Variants in ZNF385D observed in about 807,000 individuals in gnomAD.
ZNF385D encodes zinc finger protein 385D.
ZNF385D carries 15 observed loss-of-function variants against 35.8 expected under a neutral mutation model. The ratio of observed to expected loss-of-function variants is 0.42; its 90% CI spans 0.28 to 0.64. The LOEUF (loss-of-function observed/expected upper bound fraction) is 0.64, where lower values mean the gene tolerates loss of function less well. Among genes scored for constraint, ZNF385D ranks in the 30% least tolerant of loss-of-function variants. The pLI, the probability that ZNF385D is intolerant of heterozygous loss-of-function variation, is 0.23. For missense variants in ZNF385D, 474 were observed against 494.6 expected (o/e 0.96, Z 0.39); for synonymous variants, 212 against 186.8 (o/e 1.13, Z -1.10).
At chr3:22,209,656 A>G (rs963965014) in intron 2 of ZNF385D, among the ~76,000 whole-genome samples, 11 of 151,692 alleles carry the variant, frequency 7.3e-5, no homozygotes, top group Non-Finnish European at 1.0e-4. Flanking sequence ...ATTCTTTTGC[A>G]TTTATTTTTG....
intron 3 of ZNF385D, among the ~76,000 whole-genome samples, chr3:21,970,990 G>T (rs916668581): frequency 6.6e-6 from 1 of 151,850 alleles, no homozygotes; most frequent in Non-Finnish European, 1.5e-5. Flanking sequence ...AAACAAAGGA[G>T]AAAGAAATAG....
At position 22,061,116 on chromosome 3, in the gene ZNF385D, TAATTA is replaced by T. The variant is rs199499447; in HGVS notation, c.325+107696_325+107700del. The stretch of plus-strand genomic sequence containing the variant: ...GAGAATGTTAATTTAATCACCTGAT[TAATTA>T]AATTAAATTAAATTAAATAGTTGCA... On this transcript the variant is annotated intron_variant, in intron 3 of 5. Coordinates refer to the ZNF385D transcript ENST00000494108. Among the ~76,000 whole-genome samples, 400 of 152,220 alleles carry T rather than the reference TAATTA, an allele frequency of 2.6e-3. 2 individuals carry two copies. The highest frequency in any genetic ancestry group is 0.01 in the East Asian group (52 of 5,180).
At chr3:22,120,372 C>A (rs760972574) in intron 3 of ZNF385D, among the ~76,000 whole-genome samples, 1 of 152,110 alleles carries the variant, frequency 6.6e-6, no homozygotes, top group African/African-American at 2.4e-5. Flanking sequence ...TGTGCTGCAT[C>A]CCTTCCTCTT....
chr3:21,972,749 A>AACTAATACC (rs1703342123), intron 3 of ZNF385D, among the ~76,000 whole-genome samples: 1 of 151,942 alleles, frequency 6.6e-6, no homozygotes, highest in African/African-American at 2.4e-5. Flanking sequence ...GGGACATTAC[A>AACTAATACC]ACTAATACCA....
intron 2 of ZNF385D, among the ~76,000 whole-genome samples, chr3:22,170,458 T>C (rs1399259848): frequency 2.0e-5 from 3 of 152,214 alleles, no homozygotes; most frequent in African/African-American, 7.2e-5. Flanking sequence ...TTTATGGGTA[T>C]TGAAGTCACT....
chr3:22,197,952 G>A (rs929450515), intron 2 of ZNF385D, among the ~76,000 whole-genome samples: 1 of 152,042 alleles, frequency 6.6e-6, no homozygotes, highest in East Asian at 1.9e-4. Context: ...GGGAAGACTG[G>A]CTTCATACAA....
intron 4 of ZNF385D, among the ~76,000 whole-genome samples, chr3:21,481,323 TC>T (rs756521724): frequency 2.6e-5 from 4 of 152,150 alleles, no homozygotes; most frequent in Non-Finnish European, 4.4e-5. Context: ...CATTGAACAA[TC>T]TAGAGTTCTG....
At chr3:21,861,505 TG>T (rs1434033658) in intron 3 of ZNF385D, among the ~76,000 whole-genome samples, 1 of 152,066 alleles carries the variant, frequency 6.6e-6, no homozygotes, top group African/African-American at 2.4e-5. Flanking sequence ...TAATGGAAAA[TG>T]TCTACGGGGA....
rs150268955 is a variant in ZNF385D at position 21,451,175 on chromosome 3, C to T, written c.440-13972G>A. Among the ~76,000 whole-genome samples the T allele has an allele frequency of 6.4e-4, 98 of 151,946 alleles. 1 individual carries two copies. In the East Asian group the frequency reaches 0.015, roughly 23 times the overall value. The stretch of plus-strand genomic sequence containing the variant: ...GATCAATATGACGAACCAATCAATA[C>T]GATTTTGATGAAATTCTTCTCTATC... On this transcript the variant is annotated intron_variant, in intron 4 of 7. Transcript: ENST00000281523.
chr3:21,804,691 T>C (rs2072557363), intron 3 of ZNF385D, among the ~76,000 whole-genome samples: 1 of 152,192 alleles, frequency 6.6e-6, no homozygotes, highest in East Asian at 1.9e-4. Flanking sequence ...TCTGTATTAT[T>C]TACCTAATTT....
chr3:22,120,507 T>A (rs1703036652), intron 3 of ZNF385D, among the ~76,000 whole-genome samples: 1 of 152,092 alleles, frequency 6.6e-6, no homozygotes, highest in Non-Finnish European at 1.5e-5. Flanking sequence ...CTTCAACATA[T>A]CTACTTGGAA....
At chr3:22,285,901 A>G (rs1701998861) in intron 2 of ZNF385D, among the ~76,000 whole-genome samples, 2 of 152,160 alleles carry the variant, frequency 1.3e-5, no homozygotes, top group Non-Finnish European at 2.9e-5. Flanking sequence ...ATCTTATGCC[A>G]AACCGTATTC....
At chr3:21,833,403 A>T (rs1308911703) in intron 3 of ZNF385D, among the ~76,000 whole-genome samples, 2 of 152,190 alleles carry the variant, frequency 1.3e-5, no homozygotes, top group African/African-American at 4.8e-5. Context: ...ATGCAATCAC[A>T]TGTATCTTGT....
chr3:21,452,261 G>A (rs995038626), intron 4 of ZNF385D, among the ~76,000 whole-genome samples: 17 of 151,984 alleles, frequency 1.1e-4, no homozygotes, highest in African/African-American at 4.1e-4. Flanking sequence ...TTTCAAAGTA[G>A]AGGTTAGATC....
At chr3:22,077,492 T>A (rs914993367) in intron 3 of ZNF385D, among the ~76,000 whole-genome samples, 2 of 152,042 alleles carry the variant, frequency 1.3e-5, no homozygotes, top group African/African-American at 4.8e-5. Context: ...AGGCAAGATT[T>A]CTTATCAATA....
intron 3 of ZNF385D, among the ~76,000 whole-genome samples, chr3:21,931,540 G>A (rs192853621): frequency 6.6e-6 from 1 of 152,134 alleles, no homozygotes; most frequent in Non-Finnish European, 1.5e-5. Flanking sequence ...CTGGTGAATG[G>A]GTAAGTACAA....
At chr3:22,043,110 C>T (rs1698768886) in intron 3 of ZNF385D, among the ~76,000 whole-genome samples, 1 of 152,150 alleles carries the variant, frequency 6.6e-6, no homozygotes. Context: ...AATAAAGCTG[C>T]AGTCATTTGG....
intron 3 of ZNF385D, among the ~76,000 whole-genome samples, chr3:21,997,490 A>C (rs2125407316): frequency 6.6e-6 from 1 of 152,174 alleles, no homozygotes; most frequent in South Asian, 2.1e-4. Flanking sequence ...CTAGAACTTA[A>C]AGTATAATAA....
chr3:21,783,189 C>T (rs1460787629), intron 3 of ZNF385D, among the ~76,000 whole-genome samples: 1 of 152,112 alleles, frequency 6.6e-6, no homozygotes, highest in African/African-American at 2.4e-5. Context: ...ATTGTAAATA[C>T]ATGGCATCTG....
Sources: gnomAD v4.1 joint callset for allele counts (sites outside exome capture counted in the v4.1 genomes callset) on GRCh38, gnomAD v4.1.1 for gene constraint, MANE v1.5 for transcripts, NCBI Gene and HGNC (gene_info 2026-07-23, HGNC 2026-07-21) for gene names.